NDUFS4: variants seen among roughly 807,000 people sequenced by gnomAD.
The protein encoded by NDUFS4 is NADH:ubiquinone oxidoreductase subunit S4.
In NDUFS4, 28 loss-of-function variants were observed where a neutral mutation model predicts 24.3. That is an observed-to-expected ratio of 1.15 (90% CI 0.85 to 1.58). The LOEUF is 1.58. Ranked by LOEUF, NDUFS4 falls within the 40% of genes most tolerant of loss-of-function variation. The pLI, the probability that NDUFS4 is intolerant of heterozygous loss-of-function variation, is 0.00. For missense variants in NDUFS4, 223 were observed against 207.9 expected, an observed-to-expected ratio of 1.07 and a Z score of -0.45; for synonymous variants, 93 against 69.7, an observed-to-expected ratio of 1.34 and a Z score of -1.67.
chr5:53,578,667 G>A (rs1442491749), intron 1 of NDUFS4, among the ~76,000 whole-genome samples: 2 of 152,014 alleles, frequency 1.3e-5, no homozygotes, highest in Admixed American at 6.6e-5. Flanking sequence ...TACAGTGCTC[G>A]GCATATGCTA....
intron 1 of NDUFS4, among the ~76,000 whole-genome samples, chr5:53,585,484 G>T (rs1270968479): frequency 6.6e-6 from 1 of 152,124 alleles, no homozygotes; most frequent in African/African-American, 2.4e-5. Flanking sequence ...GGTGGCTCAC[G>T]CCTGTAATCC....
chr5:53,561,513 ATTT>A (rs4147745), intron 1 of NDUFS4, among the ~76,000 whole-genome samples: 1 of 146,868 alleles, frequency 6.8e-6, no homozygotes. Context: ...TTTTGTGATG[ATTT>A]TTTTTTTTTT....
intron 2 of NDUFS4, among the ~76,000 whole-genome samples, chr5:53,624,598 A>G (rs1751160381): frequency 2.0e-5 from 3 of 152,106 alleles, no homozygotes; most frequent in African/African-American, 4.8e-5. Context: ...TGCCATTGTA[A>G]ATGGGATTGT....
intron 2 of NDUFS4, among the ~76,000 whole-genome samples, chr5:53,622,929 G>A (rs528712603): frequency 6.6e-6 from 1 of 152,092 alleles, no homozygotes; most frequent in East Asian, 1.9e-4. Context: ...TATACTTTCT[G>A]TGTTATAGCA....
At chr5:53,616,276 A>G (rs1247287578) in intron 2 of NDUFS4, among the ~76,000 whole-genome samples, 1 of 152,068 alleles carries the variant, frequency 6.6e-6, no homozygotes, top group Non-Finnish European at 1.5e-5. Context: ...AAGCACAACA[A>G]CCATGTCCTT....
chr5:53,560,747 A>C lies in NDUFS4; in HGVS notation c.85A>C (p.Arg29=). The C allele has an allele frequency of 6.2e-7, 1 of 1,614,208 alleles. No individual in the cohort carries two copies. Among genetic ancestry groups the C allele is most frequent in the Non-Finnish European group, 8.5e-7 (1 of 1,180,032 alleles). Residue 29 remains arginine (R), a synonymous_variant, in exon 1 of 5, where the codon AGG becomes CGG. Transcript: ENST00000296684. ...AVAVAALSVS[R]VPTRSLRTST... ...GGCTGTAGCTGCCCTTTCCGTTTCC[A>C]GGGTTCCGACCAGGTAATAGAATTT...
Position 53,675,672 on chromosome 5 carries a change from TATTA to T in NDUFS4, c.425-7442_425-7439del, listed in dbSNP as rs372465838. 7.1e-4 allele frequency among the ~76,000 whole-genome samples: 108 copies of T among 152,332 alleles called. No homozygotes were observed. In the East Asian group the frequency reaches 0.019, roughly 27 times the overall value. On this transcript the variant is annotated intron_variant, in intron 4 of 4. Coordinates refer to ENST00000296684, the MANE Select transcript of NDUFS4 (RefSeq NM_002495.4). ...GAGCTGTTCTTTTCTGAGGACAAAT[TATTA>T]ATTGATTTGAGTCCAAAATAGATTA...
At chr5:53,595,090 A>T (rs1266002203) in intron 1 of NDUFS4, among the ~76,000 whole-genome samples, 1 of 152,124 alleles carries the variant, frequency 6.6e-6, no homozygotes, top group African/African-American at 2.4e-5. Flanking sequence ...AGATCTGCAT[A>T]GTCTGCTTTT....
chr5:53,658,826 A>C (rs1326509527), intron 4 of NDUFS4: 4 of 543,592 alleles, frequency 7.4e-6, no homozygotes, highest in Non-Finnish European at 9.8e-6. Flanking sequence ...ATGCTCATAC[A>C]ACATGTAAAA....
chr5:53,655,045 A>G (rs753133413), intron 3 of NDUFS4, among the ~76,000 whole-genome samples: 13 of 152,192 alleles, frequency 8.5e-5, no homozygotes, highest in South Asian at 2.1e-4. Context: ...ATTAGTGTCT[A>G]GTAAAGTATA....
At chr5:53,680,945 C>T (rs938876467) in intron 4 of NDUFS4, among the ~76,000 whole-genome samples, 1 of 152,060 alleles carries the variant, frequency 6.6e-6, no homozygotes, top group African/African-American at 2.4e-5. Flanking sequence ...AGTTACTGTT[C>T]TCTGCCTACT....
intron 1 of NDUFS4, among the ~76,000 whole-genome samples, chr5:53,591,462 G>GGT: frequency 1.4e-4 from 1 of 7,010 alleles, no homozygotes; most frequent in African/African-American, 3.7e-4. Flanking sequence ...TGTTTTTTTT[G>GGT]GGGGGGGGGG....
At chr5:53,613,220 T>A (rs1191476658) in intron 2 of NDUFS4, among the ~76,000 whole-genome samples, 1 of 152,096 alleles carries the variant, frequency 6.6e-6, no homozygotes, top group African/African-American at 2.4e-5. Context: ...TACAGCTTTC[T>A]AGCATCTCAA....
At chr5:53,582,068 G>A (rs1419232475) in intron 1 of NDUFS4, among the ~76,000 whole-genome samples, 6 of 152,018 alleles carry the variant, frequency 3.9e-5, no homozygotes, top group South Asian at 4.2e-4. Context: ...AAAATTAGCC[G>A]GGCGTGGTGT....
chr5:53,676,871 C>T (rs1169479883), intron 4 of NDUFS4, among the ~76,000 whole-genome samples: 2 of 151,924 alleles, frequency 1.3e-5, no homozygotes, highest in African/African-American at 4.8e-5. Context: ...ATAGCTTTTT[C>T]CTCCCAATGT....
intron 1 of NDUFS4, among the ~76,000 whole-genome samples, chr5:53,577,165 G>GCC (rs1749415001): frequency 6.6e-6 from 1 of 152,160 alleles, no homozygotes; most frequent in Non-Finnish European, 1.5e-5. Flanking sequence ...GCTGTGAGCA[G>GCC]TAGAGAAACC....
chr5:53,586,043 T>C (rs1326789444), intron 1 of NDUFS4, among the ~76,000 whole-genome samples: 1 of 151,984 alleles, frequency 6.6e-6, no homozygotes, highest in African/African-American at 2.4e-5. Flanking sequence ...TAACAAATAA[T>C]ATCGGCCAGG....
chr5:53,672,802 C>T (rs1296237683), intron 4 of NDUFS4, among the ~76,000 whole-genome samples: 2 of 151,942 alleles, frequency 1.3e-5, no homozygotes, highest in Non-Finnish European at 2.9e-5. Flanking sequence ...ACTTTGAAGT[C>T]TCTTGAGCTA....
chr5:53,680,370 C>T (rs910907763), intron 4 of NDUFS4, among the ~76,000 whole-genome samples: 2 of 152,132 alleles, frequency 1.3e-5, no homozygotes, highest in African/African-American at 4.8e-5. Flanking sequence ...ATAAATCATG[C>T]TGCTATAAAG....
Sources: gnomAD v4.1 joint callset for allele counts (sites outside exome capture counted in the v4.1 genomes callset) on GRCh38, gnomAD v4.1.1 for gene constraint, MANE v1.5 for transcripts, NCBI Gene and HGNC (gene_info 2026-07-23, HGNC 2026-07-21) for gene names.